Variants in RARB observed in about 807,000 individuals in gnomAD.
RARB encodes the protein HBV-activated protein.
In RARB, 17 loss-of-function variants were observed where a neutral mutation model predicts 51.9. The observed-to-expected ratio is 0.33, with a 90% CI of 0.22 to 0.49. The LOEUF is 0.49. Among genes scored for constraint, RARB ranks in the 20% least tolerant of loss-of-function variants. The pLI is 0.99. For synonymous variants in RARB, 215 were observed against 195.4 expected (o/e 1.10, Z -0.84); for missense variants, 369 against 550.8 (o/e 0.67, Z 3.30).
At chr3:25,042,447 G>C (rs1339509652) in intron 2 of RARB, among the ~76,000 whole-genome samples, 1 of 152,208 alleles carries the variant, frequency 6.6e-6, no homozygotes, top group African/African-American at 2.4e-5. Context: ...TGGTTCCACA[G>C]TCCTTTGCTC....
chr3:25,433,396 G>T (rs1708287430), intron 1 of RARB, among the ~76,000 whole-genome samples: 1 of 152,088 alleles, frequency 6.6e-6, no homozygotes, highest in African/African-American at 2.4e-5. Flanking sequence ...TGTGTTTCTG[G>T]GTCATTCTTA....
intron 3 of RARB, among the ~76,000 whole-genome samples, chr3:25,130,795 C>G (rs1480848598): frequency 6.6e-6 from 1 of 151,000 alleles, no homozygotes; most frequent in African/African-American, 2.5e-5. Flanking sequence ...CATACAGAAA[C>G]TGCTTGATCT....
chr3:25,031,598 T>C (rs926497687), intron 2 of RARB, among the ~76,000 whole-genome samples: 5 of 152,212 alleles, frequency 3.3e-5, no homozygotes, highest in African/African-American at 1.2e-4. Flanking sequence ...CCACTAACTC[T>C]GTTGACCCAC....
intron 5 of RARB, among the ~76,000 whole-genome samples, chr3:25,228,628 G>C (rs534343314): frequency 2.8e-4 from 42 of 151,978 alleles, no homozygotes; most frequent in South Asian, 1.0e-3. Context: ...GAAATTTACT[G>C]ATTGCCTTAA....
At chr3:25,315,396 C>T (rs372444789) in intron 5 of RARB, among the ~76,000 whole-genome samples, 1 of 152,166 alleles carries the variant, frequency 6.6e-6, no homozygotes, top group South Asian at 2.1e-4. Flanking sequence ...TGTAGACATA[C>T]GACCATGTAC....
At chr3:25,509,460 A>G (rs183227484) in intron 3 of RARB, among the ~76,000 whole-genome samples, 1 of 152,376 alleles carries the variant, frequency 6.6e-6, no homozygotes, top group African/African-American at 2.4e-5. Flanking sequence ...AGTTAAAAGT[A>G]GAGACTCTAT....
At chr3:25,198,821 C>A (rs1047344664) in intron 5 of RARB, among the ~76,000 whole-genome samples, 1 of 151,900 alleles carries the variant, frequency 6.6e-6, no homozygotes, top group African/African-American at 2.4e-5. Flanking sequence ...AGAAAAGGGA[C>A]CCTCATACAG....
intron 5 of RARB, among the ~76,000 whole-genome samples, chr3:25,347,247 A>G (rs542441873): frequency 6.6e-6 from 1 of 152,334 alleles, no homozygotes; most frequent in South Asian, 2.1e-4. Context: ...ACTAAGGTGT[A>G]AGGGAGTTCT....
chr3:25,532,753 T>C (rs907697534), intron 3 of RARB, among the ~76,000 whole-genome samples: 8 of 152,198 alleles, frequency 5.3e-5, no homozygotes, highest in African/African-American at 1.7e-4. Flanking sequence ...TATAACTGCT[T>C]CTAATGTGAG....
At chr3:25,406,292 C>G (rs1468887446) in intron 5 of RARB, among the ~76,000 whole-genome samples, 1 of 152,174 alleles carries the variant, frequency 6.6e-6, no homozygotes, top group Non-Finnish European at 1.5e-5. Flanking sequence ...GGCATTCACT[C>G]CAAAGAAGCA....
intron 2 of RARB, among the ~76,000 whole-genome samples, chr3:24,929,476 C>T (rs1695396095): frequency 6.6e-6 from 1 of 152,082 alleles, no homozygotes; most frequent in African/African-American, 2.4e-5. Flanking sequence ...GGAACTATCA[C>T]TTATGAAAGA....
chr3:25,216,723 T>C lies in RARB; in HGVS notation c.178+42148T>C, dbSNP rs562290559. Among the ~76,000 whole-genome samples, 23 of 151,572 alleles carry C rather than the reference T, an allele frequency of 1.5e-4. No individual in the cohort carries two copies. In the East Asian group the frequency reaches 4.3e-3, roughly 28 times the overall value. On this transcript the variant is annotated intron_variant, in intron 5 of 11. Coordinates refer to the RARB transcript ENST00000383772. ...TGTTTTTTTTTTAGAAGAAACAAAA[T>C]ATAGGTACTACATATATATATATCT...
At chr3:25,342,831 C>A (rs962551461) in intron 5 of RARB, among the ~76,000 whole-genome samples, 11 of 152,044 alleles carry the variant, frequency 7.2e-5, no homozygotes, top group Middle Eastern at 3.2e-3. Flanking sequence ...TTAATCTCAT[C>A]TGAAGTACAA....
At chr3:25,357,663 T>C (rs777820558) in intron 5 of RARB, among the ~76,000 whole-genome samples, 5 of 152,362 alleles carry the variant, frequency 3.3e-5, no homozygotes, top group Non-Finnish European at 5.9e-5. Flanking sequence ...TTTAAATCTT[T>C]AATCCATCTT....
chr3:24,856,117 C>A (rs955801293), intron 1 of RARB, among the ~76,000 whole-genome samples: 3 of 152,080 alleles, frequency 2.0e-5, no homozygotes, highest in African/African-American at 7.2e-5. Context: ...TGAGTATCTT[C>A]ATTCTTCTCA....
chr3:25,223,377 A>G lies in RARB; in HGVS notation c.178+48802A>G, dbSNP rs961188853. Among the ~76,000 whole-genome samples, 3 of 152,260 alleles carry G rather than the reference A, an allele frequency of 2.0e-5. No individual in the cohort carries two copies. The South Asian group carries it at 6.2e-4, about 32-fold the overall frequency. On this transcript the variant is annotated intron_variant, in intron 5 of 11. Transcript: ENST00000383772. ...TTTTTATGAGGAAAAGGCTTAATGA[A>G]TATTAAGTGTAGAGGCTAGAAGAAA...
chr3:25,549,560 C>A (rs1347452075), intron 3 of RARB, among the ~76,000 whole-genome samples: 1 of 152,124 alleles, frequency 6.6e-6, no homozygotes, highest in African/African-American at 2.4e-5. Context: ...TTAATCAGAT[C>A]ATGAAAGACC....
intron 1 of RARB, among the ~76,000 whole-genome samples, chr3:24,845,957 C>T (rs868563382): frequency 2.0e-4 from 30 of 152,316 alleles, no homozygotes; most frequent in African/African-American, 6.0e-4. Context: ...CACAGACTTA[C>T]ACAATACCTC....
intron 1 of RARB, among the ~76,000 whole-genome samples, chr3:24,844,619 G>A (rs907654725): frequency 1.3e-5 from 2 of 152,202 alleles, no homozygotes; most frequent in Non-Finnish European, 2.9e-5. Context: ...GGCCCTTGAT[G>A]ATTTGGGAAA....
Sources: allele counts gnomAD v4.1 joint callset (sites outside exome capture counted in the v4.1 genomes callset), GRCh38; gene constraint gnomAD v4.1.1; transcripts MANE v1.5; gene names NCBI Gene and HGNC (gene_info 2026-07-23, HGNC 2026-07-21).